OR10H5: variants seen among roughly 807,000 people sequenced by gnomAD.
The protein encoded by OR10H5 is olfactory receptor family 10 subfamily H member 5.
In OR10H5, 7 loss-of-function variants were observed where a neutral mutation model predicts 12.2. The ratio of observed to expected loss-of-function variants is 0.57; its 90% CI spans 0.33 to 1.07. The LOEUF (loss-of-function observed/expected upper bound fraction) is 1.07, where lower values mean the gene tolerates loss of function less well. Among genes scored for constraint, OR10H5 ranks in the 50% least tolerant of loss-of-function variants. The pLI is 0.04. For synonymous variants in OR10H5, 159 were observed against 175.1 expected (o/e 0.91, Z 0.73); for missense variants, 346 against 411.6 (o/e 0.84, Z 1.38).
Position 15,798,278 on chromosome 19 carries a change from C to A in OR10H5, c.*3282C>A, listed in dbSNP as rs1489204865. ...CACAGCAGGTCTGGGGGTGTCAACT[C>A]TCCATGCCCCAGGTGTGGAAACAGT... On this transcript the variant is annotated 3_prime_UTR_variant, in exon 2 of 2. Transcript: ENST00000642092. The A allele has an allele frequency of 6.6e-6, 1 of 152,160 alleles. No homozygotes were observed. The highest frequency in any genetic ancestry group is 2.4e-5 in the African/African-American group (1 of 41,430). 9.4% of individuals were successfully genotyped at this position (152,160 alleles called of 1,614,324 possible).
chr19:15,793,873 C>T (rs2088820942), intron 1 of OR10H5, 165 bp from the exon 2 acceptor site: 1 of 641,356 alleles, frequency 1.6e-6, no homozygotes, highest in African/African-American at 1.8e-5. Flanking sequence ...AGCGAGACCC[C>T]ATCTCAAAAA....
In OR10H5 at chr19:15,799,108, C is replaced by T. The variant is rs1012971807; in HGVS notation, c.*4112C>T. On this transcript the variant is annotated 3_prime_UTR_variant, in exon 2 of 2. Transcript: ENST00000642092. The stretch of plus-strand genomic sequence containing the variant: ...TGAAAAATCATCCCTCTACTTAAAC[C>T]TTCTGTTTCTCTTAGGATACAGTAT... The T allele has an allele frequency of 1.3e-5, 2 of 152,064 alleles. No individual in the cohort carries two copies. Among genetic ancestry groups the T allele is most frequent in the Admixed American group, 1.3e-4 (2 of 15,256 alleles). 9.4% of individuals were successfully genotyped at this position (152,064 alleles called of 1,614,324 possible).
chr19:15,799,382 G>T lies in OR10H5; in HGVS notation c.*4386G>T, dbSNP rs189025645. 1.3e-4 allele frequency: 20 copies of T among 152,258 alleles called. No individual in the cohort carries two copies. The highest frequency in any genetic ancestry group is 3.4e-3 in the Middle Eastern group (1 of 294). 9.4% of individuals were successfully genotyped at this position (152,258 alleles called of 1,614,324 possible). A position where few individuals can be genotyped will look rare whatever the true frequency, so the allele number is the denominator to read the frequency against. On this transcript the variant is annotated 3_prime_UTR_variant, in exon 2 of 2. Transcript: ENST00000642092. ...AGAAGACACTGGCTTTTGGCAAGAG[G>T]AGTCTAGATTCCAGGTTTGGTGCTA...
chr19:15,789,084 G>A (rs1360700996), intron 1 of OR10H5, among the ~76,000 whole-genome samples: 1 of 152,056 alleles, frequency 6.6e-6, no homozygotes, highest in East Asian at 1.9e-4. Flanking sequence ...TGTGTCCAAA[G>A]GTCACATTCT....
At position 15,797,719 on chromosome 19, in the gene OR10H5, C is replaced by T. The variant is rs1031114996; in HGVS notation, c.*2723C>T. 8 of 152,020 alleles carry T rather than the reference C, an allele frequency of 5.3e-5. No homozygotes were observed. Among genetic ancestry groups the T allele is most frequent in the East Asian group, 1.9e-4 (1 of 5,162 alleles). The allele number at this position is 152,020 out of a possible 1,614,324, so 9.4% of individuals were successfully genotyped here. The stretch of plus-strand genomic sequence containing the variant: ...TTTAAAATGTTGACATTTTGTTCAC[C>T]GTGGATTTTTTTTGCATTCATTTTG... On this transcript the variant is annotated 3_prime_UTR_variant, in exon 2 of 2. Transcript: ENST00000642092.
rs1489853685 is a variant in OR10H5 at position 15,794,870 on chromosome 19, G to A, written c.822G>A (p.Leu274=). 3.7e-6 allele frequency: 6 copies of A among 1,614,010 alleles called. No individual in the cohort carries two copies. The highest frequency in any genetic ancestry group is 2.2e-5 in the East Asian group (1 of 44,880). The change falls in exon 2 of 2, where the codon TTG becomes TTA. Residue 274 remains leucine (L), a synonymous_variant. Coordinates refer to ENST00000642092, the MANE Select transcript of OR10H5 (RefSeq NM_001004466.2). ...CCCAGTCTCCGGAAGGAGACACCTTGATGGGCATCACCTACACGGTCCTCA... is the reference window on the plus strand; with the variant it reads ...CCCAGTCTCCGGAAGGAGACACCTTAATGGGCATCACCTACACGGTCCTCA... ...KGPQSPEGDT[L]MGITYTVLTP... is the part of the protein sequence containing the mutation.
rs1180045600 is a variant in OR10H5, at chr19:15,799,548, G to A, written c.*4552G>A. The A allele has an allele frequency of 6.6e-6, 1 of 152,010 alleles. No homozygotes were observed. Among genetic ancestry groups the A allele is most frequent in the Non-Finnish European group, 1.5e-5 (1 of 68,006 alleles). 9.4% of individuals were successfully genotyped at this position (152,010 alleles called of 1,614,324 possible). ...TCAGTGAAAACACAGCCACATCTGT[G>A]TTTTCTCTGTGTTAGTATCTCACAC... On this transcript the variant is annotated 3_prime_UTR_variant, in exon 2 of 2. Transcript: ENST00000642092.
intron 1 of OR10H5, among the ~76,000 whole-genome samples, chr19:15,789,031 C>G (rs1187233453): frequency 6.6e-6 from 1 of 152,174 alleles, no homozygotes; most frequent in Non-Finnish European, 1.5e-5. Context: ...CTCCCCACCC[C>G]TGCCCTACCC....
At position 15,794,959 on chromosome 19, in the gene OR10H5, A is replaced by G; in HGVS notation, c.911A>G (p.Lys304Arg). 6.2e-7 allele frequency: 1 copy of G among 1,614,162 alleles called. No homozygotes were observed. The highest frequency in any genetic ancestry group is 8.5e-7 in the Non-Finnish European group (1 of 1,180,030). ...AAGGAGCTGAAGGTCGCCATGAAGA[A>G]GACTTGCTTCACCAAACTCTTTCCA... ...RNKELKVAMKKTCFTKLFPQN... is the reference protein window; with the variant it reads ...RNKELKVAMKRTCFTKLFPQN... Residue 304 changes from lysine to arginine, a missense_variant, in exon 2 of 2, where the codon AAG becomes AGG. Transcript: ENST00000642092.
chr19:15,790,023 G>A (rs989242203), intron 1 of OR10H5, among the ~76,000 whole-genome samples: 2 of 152,132 alleles, frequency 1.3e-5, no homozygotes, highest in African/African-American at 4.8e-5. Context: ...CTGGCCTCAA[G>A]TGATCCTCCT....
chr19:15,797,690 A>G lies in OR10H5; in HGVS notation c.*2694A>G, dbSNP rs970971042. 1 of 152,060 alleles carries G rather than the reference A, an allele frequency of 6.6e-6. No individual in the cohort carries two copies. Among genetic ancestry groups the G allele is most frequent in the African/African-American group, 2.4e-5 (1 of 41,392 alleles). 9.4% of individuals were successfully genotyped at this position (152,060 alleles called of 1,614,324 possible). On this transcript the variant is annotated 3_prime_UTR_variant, in exon 2 of 2. Coordinates refer to ENST00000642092, the MANE Select transcript of OR10H5 (RefSeq NM_001004466.2). Reference sequence around the variant, plus strand: ...GGGAGACACCTCACCTCCTTTAAACATTATTTAAAATGTTGACATTTTGTT... The same window carrying G: ...GGGAGACACCTCACCTCCTTTAAACGTTATTTAAAATGTTGACATTTTGTT...
intron 1 of OR10H5, among the ~76,000 whole-genome samples, chr19:15,791,533 A>G (rs2088809061): frequency 6.6e-6 from 1 of 151,690 alleles, no homozygotes; most frequent in African/African-American, 2.4e-5. Flanking sequence ...ATATTTTATC[A>G]TCCTTATTTG....
intron 1 of OR10H5, among the ~76,000 whole-genome samples, chr19:15,791,111 C>T (rs780220529): frequency 8.6e-5 from 13 of 152,010 alleles, no homozygotes; most frequent in African/African-American, 1.9e-4. Flanking sequence ...TTCAGGTGGC[C>T]GAGGCAGGCA....
At chr19:15,792,102 G>A (rs1335779289) in intron 1 of OR10H5, among the ~76,000 whole-genome samples, 1 of 152,030 alleles carries the variant, frequency 6.6e-6, no homozygotes, top group African/African-American at 2.4e-5. Flanking sequence ...TCACCCACCA[G>A]TGCTGCAGAT....
chr19:15,791,046 T>TA (rs1438616756), intron 1 of OR10H5, among the ~76,000 whole-genome samples: 1 of 151,940 alleles, frequency 6.6e-6, no homozygotes, highest in Non-Finnish European at 1.5e-5. Context: ...GGCTAAAAGA[T>TA]ACAAAATTAC....
At chr19:15,794,006 A>T (rs771051031) in intron 1 of OR10H5, 32 bp from the exon 2 acceptor site, 2 of 1,569,854 alleles carry the variant, frequency 1.3e-6, no homozygotes, top group African/African-American at 2.7e-5. Context: ...GCTCCTAACC[A>T]CTGGGTCTTC....
Position 15,794,441 on chromosome 19 carries a change from T to A in OR10H5, c.393T>A (p.Arg131=), listed in dbSNP as rs749721756. 5.0e-6 allele frequency: 8 copies of A among 1,612,750 alleles called. No homozygotes were observed. In the Middle Eastern group the frequency reaches 1.2e-3, roughly 232 times the overall value. ...ACGTGGCCATCTGCCACCCCCTGCG[T>A]TACAACGTGCTCATGAGCCTGCGGG... ...DRYVAICHPL[R]YNVLMSLRGC... The change falls in exon 2 of 2, where the codon CGT becomes CGA. Residue 131 remains arginine, a synonymous_variant. Coordinates refer to ENST00000642092, the MANE Select transcript of OR10H5 (RefSeq NM_001004466.2).
In OR10H5 at chr19:15,794,396, T is replaced by A. The variant is rs4808380; in HGVS notation, c.348T>A (p.Thr116=). 2.5e-6 allele frequency: 4 copies of A among 1,613,326 alleles called. No individual in the cohort carries two copies. The East Asian group carries it at 8.9e-5, about 36-fold the overall frequency. Reference sequence around the variant, plus strand: ...GCTTCACCCACTCCTTCCTGCTCACTGTCATGGGCTACGACCGCTACGTGG... The same window carrying A: ...GCTTCACCCACTCCTTCCTGCTCACAGTCATGGGCTACGACCGCTACGTGG... ...SFGFTHSFLL[T]VMGYDRYVAI... Residue 116 remains threonine, a synonymous_variant, in exon 2 of 2, where the codon ACT becomes ACA. Transcript: ENST00000642092.
chr19:15,795,147 C>G lies in OR10H5; in HGVS notation c.*151C>G. ...CCTCCCTCCTTTCCTCCCTCCTTCT[C>G]TGACCTACAGTCCACCCTCCCTCCC... On this transcript the variant is annotated 3_prime_UTR_variant, in exon 2 of 2. Transcript: ENST00000642092. 1 of 668,540 alleles carries G rather than the reference C, an allele frequency of 1.5e-6. No individual in the cohort carries two copies. The highest frequency in any genetic ancestry group is 2.4e-6 in the Non-Finnish European group (1 of 417,446). The allele number at this position is 668,540 out of a possible 1,614,324, so 41.4% of individuals were successfully genotyped here.
Sources: gnomAD v4.1 joint callset for allele counts (sites outside exome capture counted in the v4.1 genomes callset) on GRCh38, gnomAD v4.1.1 for gene constraint, MANE v1.5 for transcripts, NCBI Gene and HGNC (gene_info 2026-07-23, HGNC 2026-07-21) for gene names.